CADM2: variants seen among roughly 807,000 people sequenced by gnomAD.
CADM2 encodes immunoglobulin superfamily member 4D.
CADM2 carries 12 observed loss-of-function variants against 49.8 expected under a neutral mutation model. The observed-to-expected ratio is 0.24, with a 90% confidence interval of 0.15 to 0.39. The LOEUF is 0.39. Among genes scored for constraint, CADM2 ranks in the 10% least tolerant of loss-of-function variants. The pLI, the probability that CADM2 is intolerant of heterozygous loss-of-function variation, is 1.00. For synonymous variants in CADM2, 214 were observed against 175.4 expected, an observed-to-expected ratio of 1.22 and a Z score of -1.74; for missense variants, 378 against 492.3, an observed-to-expected ratio of 0.77 and a Z score of 2.20.
chr3:85,849,152 T>G (rs1031286940), intron 3 of CADM2, among the ~76,000 whole-genome samples: 3 of 152,200 alleles, frequency 2.0e-5, no homozygotes, highest in Admixed American at 2.0e-4. Context: ...GCCACCTCTG[T>G]CACAGTTGTG....
At chr3:85,626,161 C>A (rs2064125364) in intron 1 of CADM2, among the ~76,000 whole-genome samples, 1 of 151,540 alleles carries the variant, frequency 6.6e-6, no homozygotes. Flanking sequence ...ACACTGTATT[C>A]TTTGGAGATT....
At chr3:84,988,625 C>CT (rs1479549342) in intron 1 of CADM2, among the ~76,000 whole-genome samples, 1 of 151,962 alleles carries the variant, frequency 6.6e-6, no homozygotes. Flanking sequence ...TGGCCACCTC[C>CT]TTTTTTTTCT....
At chr3:85,485,411 TCA>T (rs2039377336) in intron 1 of CADM2, among the ~76,000 whole-genome samples, 3 of 151,958 alleles carry the variant, frequency 2.0e-5, no homozygotes. Context: ...CCTTCACAGT[TCA>T]CTACACATAT....
intron 8 of CADM2, among the ~76,000 whole-genome samples, chr3:85,990,415 T>C (rs1728638226): frequency 6.6e-6 from 1 of 152,148 alleles, no homozygotes; most frequent in Admixed American, 6.5e-5. Context: ...ATTTTTGACT[T>C]ATATTTTTAA....
At chr3:85,655,670 C>T (rs1241536897) in intron 1 of CADM2, among the ~76,000 whole-genome samples, 4 of 152,046 alleles carry the variant, frequency 2.6e-5, no homozygotes, top group Middle Eastern at 3.2e-3. Context: ...AATGACCTTC[C>T]TAAAAGCACA....
intron 1 of CADM2, among the ~76,000 whole-genome samples, chr3:85,013,187 C>T (rs1222501644): frequency 2.0e-5 from 3 of 150,344 alleles, no homozygotes; most frequent in Admixed American, 6.6e-5. Context: ...GAAAACTAGT[C>T]TTTCTTTAGC....
intron 1 of CADM2, among the ~76,000 whole-genome samples, chr3:85,148,962 C>A (rs979075953): frequency 4.6e-5 from 7 of 152,012 alleles, no homozygotes; most frequent in African/African-American, 1.7e-4. Context: ...ACGTGCAGTT[C>A]AAACCCATGT....
chr3:85,015,147 A>G (rs894326842), intron 1 of CADM2, among the ~76,000 whole-genome samples: 6 of 152,210 alleles, frequency 3.9e-5, no homozygotes, highest in African/African-American at 7.2e-5. Flanking sequence ...ATATATGTGT[A>G]TATATGGGTA....
At chr3:86,036,583 C>T (rs1425154432) in intron 8 of CADM2, among the ~76,000 whole-genome samples, 1 of 152,114 alleles carries the variant, frequency 6.6e-6, no homozygotes, top group Non-Finnish European at 1.5e-5. Flanking sequence ...CTCCAGGACT[C>T]CAAATTTGGC....
intron 1 of CADM2, among the ~76,000 whole-genome samples, chr3:85,221,997 G>T (rs1192651428): frequency 6.6e-6 from 1 of 152,134 alleles, no homozygotes; most frequent in African/African-American, 2.4e-5. Flanking sequence ...TCACAATGAA[G>T]TTAATGGAGA....
At chr3:85,715,089 A>G (rs1043157552) in intron 1 of CADM2, among the ~76,000 whole-genome samples, 7 of 152,218 alleles carry the variant, frequency 4.6e-5, no homozygotes, top group Admixed American at 1.3e-4. Flanking sequence ...ATGTGATTCT[A>G]CAATATAGTA....
In CADM2 at chr3:85,518,437, A is replaced by T. The variant is rs573598169; in HGVS notation, c.62-208085A>T. ...ACAATCTAGGCTTTTTTTTTTTTTT[A>T]AATCAAATCCCAAAGTTACTTCTAC... is the stretch of plus-strand genomic sequence containing the variant. On this transcript the variant is annotated intron_variant, in intron 1 of 9. Coordinates refer to ENST00000383699, the MANE Select transcript of CADM2 (RefSeq NM_001167675.2). 1.2e-3 allele frequency among the ~76,000 whole-genome samples: 160 copies of T among 135,770 alleles called. 1 individual carries two copies. Among genetic ancestry groups the T allele is most frequent in the African/African-American group, 4.9e-3 (152 of 31,138 alleles). The allele number at this position is 135,770 out of a possible 152,430, so 89.1% of individuals were successfully genotyped here. A position where few individuals can be genotyped will look rare whatever the true frequency, so the allele number is the denominator to read the frequency against.
At chr3:85,351,974 C>CAT (rs934035272) in intron 1 of CADM2, among the ~76,000 whole-genome samples, 6 of 151,662 alleles carry the variant, frequency 4.0e-5, no homozygotes, top group South Asian at 2.1e-4. Flanking sequence ...CACAGATATC[C>CAT]ATATATATAT....
chr3:85,768,694 G>C (rs1325889402), intron 2 of CADM2, among the ~76,000 whole-genome samples: 3 of 142,542 alleles, frequency 2.1e-5, no homozygotes, highest in Non-Finnish European at 4.5e-5. Context: ...CACATATATA[G>C]TATAAATATA....
intron 1 of CADM2, among the ~76,000 whole-genome samples, chr3:85,095,299 T>C (rs985865231): frequency 1.3e-5 from 2 of 152,138 alleles, no homozygotes; most frequent in Non-Finnish European, 2.9e-5. Flanking sequence ...GAGAAAATGG[T>C]CTAAAGTGGG....
At chr3:85,563,262 A>T (rs1404353749) in intron 1 of CADM2, among the ~76,000 whole-genome samples, 1 of 152,130 alleles carries the variant, frequency 6.6e-6, no homozygotes, top group African/African-American at 2.4e-5. Flanking sequence ...GCTTACCATA[A>T]AACTGATTTT....
chr3:85,116,828 C>G (rs1040831241), intron 1 of CADM2, among the ~76,000 whole-genome samples: 1 of 151,980 alleles, frequency 6.6e-6, no homozygotes, highest in Non-Finnish European at 1.5e-5. Flanking sequence ...ATAAAAAAAT[C>G]ATGTTCTTAC....
chr3:85,205,386 A>T (rs1576114249), intron 1 of CADM2, among the ~76,000 whole-genome samples: 1 of 152,146 alleles, frequency 6.6e-6, no homozygotes. Context: ...TTATATTTTG[A>T]AGCATGATTT....
At chr3:85,632,201 A>G (rs1012852250) in intron 1 of CADM2, among the ~76,000 whole-genome samples, 8 of 150,638 alleles carry the variant, frequency 5.3e-5, no homozygotes, top group Non-Finnish European at 1.0e-4. Flanking sequence ...TGGTTTTAAA[A>G]ATGAGAGTTT....
Sources: gnomAD v4.1 joint callset for allele counts (sites outside exome capture counted in the v4.1 genomes callset) on GRCh38, gnomAD v4.1.1 for gene constraint, MANE v1.5 for transcripts, NCBI Gene and HGNC (gene_info 2026-07-23, HGNC 2026-07-21) for gene names.